ATP13A4: variants seen among roughly 807,000 people sequenced by gnomAD.
ATP13A4 encodes the protein ATPase 13A4.
In ATP13A4, 114 loss-of-function variants were observed where a neutral mutation model predicts 142.5. That is an observed-to-expected ratio of 0.80 (90% CI 0.69 to 0.93). The LOEUF (loss-of-function observed/expected upper bound fraction) is 0.93, where lower values mean the gene tolerates loss of function less well. Among genes scored for constraint, ATP13A4 ranks in the 40% least tolerant of loss-of-function variants. ATP13A4 has a pLI of 0.00. For synonymous variants in ATP13A4, 488 were observed against 514.8 expected (o/e 0.95, Z 0.70); for missense variants, 1,392 against 1,454.0 (o/e 0.96, Z 0.69).
chr3:193,556,349 A>C (rs1723887820), upstream of ATP13A4, among the ~76,000 whole-genome samples: 1 of 152,164 alleles, frequency 6.6e-6, no homozygotes, highest in Non-Finnish European at 1.5e-5. Context: ...AATGTGACCA[A>C]GATCAATGTG....
intron 13 of ATP13A4, 61 bp from the exon 14 acceptor site, chr3:193,459,292 G>A: frequency 6.3e-7 from 1 of 1,597,022 alleles, no homozygotes. Flanking sequence ...AGAGCATCTT[G>A]GAGGTGAACA....
intron 1 of ATP13A4, among the ~76,000 whole-genome samples, chr3:193,518,922 A>G (rs974097728): frequency 6.6e-5 from 10 of 152,020 alleles, no homozygotes; most frequent in African/African-American, 2.4e-4. Context: ...ACCAAGGGAG[A>G]GTTTGTCTCC....
intron 2 of ATP13A4, among the ~76,000 whole-genome samples, chr3:193,512,835 G>T (rs1397600084): frequency 6.6e-6 from 1 of 152,100 alleles, no homozygotes; most frequent in Admixed American, 6.5e-5. Flanking sequence ...CACCTCCCTA[G>T]CCCCATTTCC....
chr3:193,582,244 G>T (rs2108746960), intron 1 of ATP13A4, among the ~76,000 whole-genome samples: 2 of 149,166 alleles, frequency 1.3e-5, no homozygotes, highest in East Asian at 3.9e-4. Flanking sequence ...CCCCTCCAGG[G>T]TTCAAATGAT....
At chr3:193,509,549 G>A (rs1264462008) in intron 2 of ATP13A4, among the ~76,000 whole-genome samples, 2 of 152,176 alleles carry the variant, frequency 1.3e-5, no homozygotes, top group African/African-American at 2.4e-5. Context: ...AAATGGAGAT[G>A]ATAATGCCCA....
At chr3:193,417,708 A>G (rs1429740819) in intron 25 of ATP13A4, among the ~76,000 whole-genome samples, 2 of 136,984 alleles carry the variant, frequency 1.5e-5, no homozygotes, top group African/African-American at 2.7e-5. Context: ...GAAATTGGCC[A>G]GGCGCGGTGG....
At chr3:193,576,268 T>C (rs1724392292) in intron 2 of ATP13A4, among the ~76,000 whole-genome samples, 1 of 124,458 alleles carries the variant, frequency 8.0e-6, no homozygotes, top group Non-Finnish European at 1.7e-5. Flanking sequence ...TTTTTTTTTT[T>C]TTTTTTTTTT....
chr3:193,582,632 TAC>T (rs1196739512), intron 1 of ATP13A4, among the ~76,000 whole-genome samples: 644 of 40,078 alleles, frequency 0.016, 14 homozygotes, highest in African/African-American at 0.03. Context: ...GTATATTACA[TAC>T]ATTATATATG....
intron 17 of ATP13A4, among the ~76,000 whole-genome samples, chr3:193,452,694 A>C (rs1419603816): frequency 6.6e-6 from 1 of 150,380 alleles, no homozygotes; most frequent in African/African-American, 2.4e-5. Flanking sequence ...ACACTGAAAA[A>C]AGTTATTATA....
intron 2 of ATP13A4, among the ~76,000 whole-genome samples, chr3:193,512,620 C>A (rs1490973328): frequency 1.3e-5 from 2 of 152,178 alleles, no homozygotes; most frequent in Non-Finnish European, 2.9e-5. Flanking sequence ...GGGTCTCAAT[C>A]CAAATCTAAT....
Position 193,439,024 on chromosome 3 carries a change from C to T in ATP13A4, c.2561G>A (p.Gly854Glu), listed in dbSNP as rs1337775081. Residue 854 changes from glycine (G) to glutamate (E), a missense_variant and splice_region_variant, in exon 22 of 30, where the codon GGG becomes GAG. Gly to Glu is a moderately conservative substitution (Grantham distance 98, BLOSUM62 -2). Transcript: ENST00000342695. ...GMCGDGANDCGALKMAHVGIS... is the reference protein window; with the variant it reads ...GMCGDGANDCEALKMAHVGIS... ...CCACACAAACTGGTAGCTACTTACC[C>T]CACAGTCATTGGCTCCATCACCACA... 3 of 1,609,330 alleles carry T rather than the reference C, an allele frequency of 1.9e-6. No individual in the cohort carries two copies. Among genetic ancestry groups the T allele is most frequent in the Admixed American group, 3.3e-5 (2 of 60,014 alleles).
chr3:193,514,013 G>A (rs548033122), intron 2 of ATP13A4, among the ~76,000 whole-genome samples: 1 of 152,146 alleles, frequency 6.6e-6, no homozygotes, highest in Admixed American at 6.5e-5. Context: ...TAGCATTCAC[G>A]AAACTCACAA....
In ATP13A4 at chr3:193,419,378, C is replaced by G. The variant is rs1715291064; in HGVS notation, c.2843-4628G>C. Among the ~76,000 whole-genome samples the G allele has an allele frequency of 1.3e-5, 2 of 150,196 alleles. 1 individual carries two copies. Among genetic ancestry groups the G allele is most frequent in the Admixed American group, 1.4e-4 (2 of 14,640 alleles). On this transcript the variant is annotated intron_variant, in intron 25 of 29. Transcript: ENST00000342695. Reference sequence around the variant, plus strand: ...TGCCTTGGCAAAGTGGTCCAACTACCCCTCCCAGTTGCTGCTGCCCCTGCC... The same window carrying G: ...TGCCTTGGCAAAGTGGTCCAACTACGCCTCCCAGTTGCTGCTGCCCCTGCC...
chr3:193,465,898 A>G (rs1417836319), intron 11 of ATP13A4, 127 bp downstream of exon 11: 1 of 1,076,848 alleles, frequency 9.3e-7, no homozygotes, highest in Non-Finnish European at 1.4e-6. Context: ...GTCTATACGT[A>G]GGCATCAGTG....
intron 20 of ATP13A4, 91 bp downstream of exon 20, chr3:193,441,375 T>C (rs2108623184): frequency 4.6e-6 from 7 of 1,505,854 alleles, no homozygotes; most frequent in Non-Finnish European, 6.5e-6. Context: ...ATATTTTACC[T>C]GTCTCAAGAT....
At chr3:193,582,473 A>G (rs1724569405) in intron 1 of ATP13A4, among the ~76,000 whole-genome samples, 1 of 145,742 alleles carries the variant, frequency 6.9e-6, no homozygotes, top group Non-Finnish European at 1.5e-5. Context: ...ATATGCATGT[A>G]CATATAATAT....
chr3:193,414,327 T>TA (rs1714937999), intron 26 of ATP13A4, among the ~76,000 whole-genome samples: 1 of 152,162 alleles, frequency 6.6e-6, no homozygotes, highest in Non-Finnish European at 1.5e-5. Context: ...ATGGTCACCC[T>TA]AGATATCAAA....
chr3:193,449,715 T>C (rs1054282395), intron 17 of ATP13A4, among the ~76,000 whole-genome samples: 7 of 152,202 alleles, frequency 4.6e-5, no homozygotes, highest in African/African-American at 1.7e-4. Flanking sequence ...TGTAAGACAT[T>C]TGTCCTTACT....
rs1719034517 is a variant in ATP13A4, at chr3:193,477,503, T to A, written c.808+6433A>T. 1.3e-5 allele frequency among the ~76,000 whole-genome samples: 2 copies of A among 152,136 alleles called. 1 individual carries two copies. The highest frequency in any genetic ancestry group is 2.9e-5 in the Non-Finnish European group (2 of 68,024). On this transcript the variant is annotated intron_variant, in intron 8 of 29. Transcript: ENST00000342695. The stretch of plus-strand genomic sequence containing the variant: ...ATATTTTTAAAAGGTAAAAATTCAC[T>A]TCCAACCAAGAGAGAATAAAAAGGA...
Sources: allele counts gnomAD v4.1 joint callset (sites outside exome capture counted in the v4.1 genomes callset), GRCh38; gene constraint gnomAD v4.1.1; transcripts MANE v1.5; gene names NCBI Gene and HGNC (gene_info 2026-07-23, HGNC 2026-07-21).